TSHZ3: variants seen among roughly 807,000 people sequenced by gnomAD.
TSHZ3 encodes teashirt homolog 3.
Under a neutral mutation model 64.5 loss-of-function variants are expected in TSHZ3, and 10 were observed. That is an observed-to-expected ratio of 0.16 (90% CI 0.10 to 0.26). TSHZ3 has a LOEUF of 0.26. TSHZ3 is among the 10% of genes least tolerant of loss of function. The pLI is 1.00. For missense variants in TSHZ3, 1,242 were observed against 1,421.7 expected, an observed-to-expected ratio of 0.87 and a Z score of 2.03; for synonymous variants, 608 against 593.1, an observed-to-expected ratio of 1.03 and a Z score of -0.36.
At chr19:31,156,625 T>C (rs1974308963) in intron 5 of TSHZ3, among the ~76,000 whole-genome samples, 1 of 152,192 alleles carries the variant, frequency 6.6e-6, no homozygotes, top group Non-Finnish European at 1.5e-5. Flanking sequence ...CTGGAAATGA[T>C]GTTATAAGAC....
intron 1 of TSHZ3, among the ~76,000 whole-genome samples, chr19:31,337,775 T>G (rs919150296): frequency 6.8e-6 from 1 of 147,380 alleles, no homozygotes; most frequent in Non-Finnish European, 1.5e-5. Context: ...AGTTGATGAG[T>G]GAATCAGTAC....
intron 1 of TSHZ3, among the ~76,000 whole-genome samples, chr19:31,347,051 T>C (rs2021537802): frequency 6.6e-6 from 1 of 152,060 alleles, no homozygotes; most frequent in African/African-American, 2.4e-5. Context: ...GACAATTAAA[T>C]CAAATATGAA....
intron 1 of TSHZ3, among the ~76,000 whole-genome samples, chr19:31,249,526 C>T (rs549647006): frequency 2.0e-5 from 3 of 152,170 alleles, no homozygotes; most frequent in Non-Finnish European, 4.4e-5. Context: ...CCCGCACACA[C>T]ACACACTCTC....
chr19:31,149,910 G>A (rs1009553659), downstream of TSHZ3, among the ~76,000 whole-genome samples: 1 of 152,142 alleles, frequency 6.6e-6, no homozygotes, highest in African/African-American at 2.4e-5. Context: ...GTTAGGGAGT[G>A]GGGAACAGAT....
intron 1 of TSHZ3, among the ~76,000 whole-genome samples, chr19:31,314,749 C>T (rs1916557010): frequency 6.6e-6 from 1 of 152,180 alleles, no homozygotes; most frequent in South Asian, 2.1e-4. Flanking sequence ...TCTGTAATCA[C>T]CGTCATTCTC....
At chr19:31,150,878 G>A (rs566898096) in exon 7 of TSHZ3, among the ~76,000 whole-genome samples, 14 of 152,226 alleles carry the variant, frequency 9.2e-5, no homozygotes, top group South Asian at 2.1e-4. Context: ...CAGAATCTAA[G>A]CTGGACATCA....
chr19:31,249,504 C>T (rs986590908), intron 1 of TSHZ3, among the ~76,000 whole-genome samples: 2 of 151,750 alleles, frequency 1.3e-5, no homozygotes, highest in Non-Finnish European at 2.9e-5. Context: ...TAAACACACA[C>T]ACACATGCGC....
chr19:31,214,077 A>G (rs1445652327), intron 4 of TSHZ3, among the ~76,000 whole-genome samples: 1 of 152,226 alleles, frequency 6.6e-6, no homozygotes, highest in Non-Finnish European at 1.5e-5. Context: ...GTAGTCAGAG[A>G]GCACCCGTCG....
chr19:31,320,254 C>A lies in TSHZ3; in HGVS notation c.40+28926G>T, dbSNP rs1052460810. 2.6e-5 allele frequency among the ~76,000 whole-genome samples: 4 copies of A among 152,164 alleles called. No individual in the cohort carries two copies. The South Asian group carries it at 6.2e-4, about 24-fold the overall frequency. On this transcript the variant is annotated intron_variant, in intron 1 of 1. Coordinates refer to ENST00000240587, the MANE Select transcript of TSHZ3 (RefSeq NM_020856.4). ...TATGACCCTGGACATGAATGCGTGA[C>A]CCCCAAGCAATACTAGGCTCGTGTT...
Position 31,277,902 on chromosome 19 carries a change from G to T in TSHZ3, c.1891C>A (p.Pro631Thr). ...TTGGGCGGGGAAAGCTTCCCATCCGGCTCCTTCATCTTCTCCTCCACTTTG... is the reference window on the plus strand; with the variant it reads ...TTGGGCGGGGAAAGCTTCCCATCCGTCTCCTTCATCTTCTCCTCCACTTTG... ...VAKVEEKMKE[P>T]DGKLSPPKRA... Residue 631 changes from proline (P) to threonine (T), a missense_variant, in exon 2 of 2, where the codon CCG becomes ACG. Pro to Thr is a conservative substitution (Grantham distance 38, BLOSUM62 -1). Coordinates refer to ENST00000240587, the MANE Select transcript of TSHZ3 (RefSeq NM_020856.4). The surrounding 1 kb of genome is among the most constrained non-coding windows in gnomAD (Gnocchi z 4.5). The T allele has an allele frequency of 1.2e-6, 2 of 1,613,666 alleles. No homozygotes were observed. The highest frequency in any genetic ancestry group is 8.5e-7 in the Non-Finnish European group (1 of 1,179,806).
intron 1 of TSHZ3, among the ~76,000 whole-genome samples, chr19:31,315,866 AT>A (rs1396935104): frequency 6.6e-6 from 1 of 152,210 alleles, no homozygotes; most frequent in Non-Finnish European, 1.5e-5. Flanking sequence ...TATTAAGCTA[AT>A]AAAAAGTGAT....
At chr19:31,195,975 G>A (rs1285169870) in intron 5 of TSHZ3, among the ~76,000 whole-genome samples, 1 of 151,804 alleles carries the variant, frequency 6.6e-6, no homozygotes, top group Non-Finnish European at 1.5e-5. Context: ...TGTACACCTA[G>A]GCTATTTATT....
chr19:31,252,337 G>A (rs542647893), intron 1 of TSHZ3, among the ~76,000 whole-genome samples: 15 of 152,100 alleles, frequency 9.9e-5, no homozygotes, highest in East Asian at 1.9e-4. Flanking sequence ...CAGCTCCCCC[G>A]TGTGTCTCTT....
intron 4 of TSHZ3, among the ~76,000 whole-genome samples, chr19:31,205,887 A>G (rs944517221): frequency 1.3e-5 from 2 of 152,256 alleles, no homozygotes; most frequent in Non-Finnish European, 2.9e-5. Context: ...CTCTAAAGAC[A>G]CATCTAGGGC....
chr19:31,325,423 G>A (rs142316243), intron 1 of TSHZ3, among the ~76,000 whole-genome samples: 216 of 152,260 alleles, frequency 1.4e-3, no homozygotes, highest in Admixed American at 6.1e-3. Context: ...ATGAATACAG[G>A]GATTCATATG....
intron 1 of TSHZ3, among the ~76,000 whole-genome samples, chr19:31,334,386 A>T (rs1244143895): frequency 6.6e-6 from 1 of 152,234 alleles, no homozygotes; most frequent in Admixed American, 6.5e-5. Context: ...TCCTCTGGCA[A>T]ATATGAATCT....
chr19:31,349,664 G>C (rs1211949510), upstream of TSHZ3: 1 of 152,230 alleles, frequency 6.6e-6, no homozygotes, highest in African/African-American at 2.5e-5. Flanking sequence ...GGGGCGGGGA[G>C]AGGGCGGGCA....
downstream of TSHZ3, among the ~76,000 whole-genome samples, chr19:31,270,066 T>A (rs929923014): frequency 2.6e-5 from 4 of 152,244 alleles, no homozygotes; most frequent in African/African-American, 9.6e-5. Flanking sequence ...GTTTGCAGCC[T>A]AGATCATATC....
At chr19:31,252,595 C>A (rs562692952) in intron 1 of TSHZ3, among the ~76,000 whole-genome samples, 1 of 152,186 alleles carries the variant, frequency 6.6e-6, no homozygotes, top group Non-Finnish European at 1.5e-5. Context: ...TGGTTTTATA[C>A]GCATCTGGCA....
Sources: gnomAD v4.1 joint callset for allele counts (sites outside exome capture counted in the v4.1 genomes callset) on GRCh38, gnomAD v4.1.1 for gene constraint, Gnocchi (gnomAD v3.1) non-coding constraint, MANE v1.5 for transcripts, NCBI Gene and HGNC (gene_info 2026-07-23, HGNC 2026-07-21) for gene names.